Variants in STARD13 observed in about 807,000 individuals in gnomAD.
STARD13 encodes StAR related lipid transfer domain containing 13.
STARD13 carries 62 observed loss-of-function variants against 106.4 expected under a neutral mutation model. The observed-to-expected ratio is 0.58, with a 90% CI of 0.48 to 0.72. The LOEUF (loss-of-function observed/expected upper bound fraction) is 0.72, where lower values mean the gene tolerates loss of function less well. Ranked by LOEUF, STARD13 falls within the 30% of genes least tolerant of loss-of-function variation. The pLI, the probability that STARD13 is intolerant of heterozygous loss-of-function variation, is 0.00. For synonymous variants in STARD13, 565 were observed against 553.0 expected (o/e 1.02, Z -0.31); for missense variants, 1,387 against 1,424.0 (o/e 0.97, Z 0.42).
At chr13:33,261,424 A>T (rs996877120) in intron 1 of STARD13, among the ~76,000 whole-genome samples, 7 of 152,240 alleles carry the variant, frequency 4.6e-5, no homozygotes, top group African/African-American at 1.7e-4. Flanking sequence ...TCTCAGAAAT[A>T]AGCCAGCGCT....
intron 1 of STARD13, among the ~76,000 whole-genome samples, chr13:33,217,341 A>G (rs950397293): frequency 1.3e-5 from 2 of 152,170 alleles, no homozygotes; most frequent in African/African-American, 4.8e-5. Context: ...TTGTGACTCC[A>G]TGGTGTGAGC....
chr13:33,676,690 G>A, the STARD13 span: 2 of 152,094 alleles, frequency 1.3e-5, no homozygotes, highest in Non-Finnish European at 2.9e-5. Context: ...TACAATTTCG[G>A]GTCCAAAGAG....
intron 1 of STARD13, among the ~76,000 whole-genome samples, chr13:33,200,251 G>A (rs1022214553): frequency 6.6e-6 from 1 of 152,172 alleles, no homozygotes; most frequent in Non-Finnish European, 1.5e-5. Context: ...TCTTCAGCTA[G>A]CCGCTTGCTC....
At chr13:33,109,479 TACAC>T (rs1014241115) in intron 12 of STARD13, among the ~76,000 whole-genome samples, 1 of 152,180 alleles carries the variant, frequency 6.6e-6, no homozygotes, top group African/African-American at 2.4e-5. Flanking sequence ...TCTTGAGAGT[TACAC>T]ACACTTTCCC....
chr13:33,363,288 G>A, the STARD13 span, among the ~76,000 whole-genome samples: 1 of 151,996 alleles, frequency 6.6e-6, no homozygotes, highest in Non-Finnish European at 1.5e-5. Context: ...ACACACACAT[G>A]TACACACAGA....
the STARD13 span, among the ~76,000 whole-genome samples, chr13:33,429,238 G>A: frequency 6.6e-6 from 1 of 152,308 alleles, no homozygotes; most frequent in Admixed American, 6.5e-5. Flanking sequence ...GTTTGTTGCA[G>A]CAATGTTTAC....
At chr13:33,628,164 C>CAT in the STARD13 span, among the ~76,000 whole-genome samples, 1 of 150,664 alleles carries the variant, frequency 6.6e-6, no homozygotes, top group Non-Finnish European at 1.5e-5. Flanking sequence ...CACACACACA[C>CAT]ACACACACAC....
At chr13:33,524,261 T>G in the STARD13 span, 1 of 1,276,908 alleles carries the variant, frequency 7.8e-7, no homozygotes. Flanking sequence ...TGAGTTCCAG[T>G]TGACATTTGG....
the STARD13 span, among the ~76,000 whole-genome samples, chr13:33,367,449 A>G: frequency 6.6e-6 from 1 of 152,210 alleles, no homozygotes. Flanking sequence ...TAACTGCAGT[A>G]AGGAGAAAAA....
downstream of STARD13, among the ~76,000 whole-genome samples, chr13:33,346,852 T>C (rs1418455917): frequency 1.3e-5 from 2 of 151,922 alleles, no homozygotes; most frequent in East Asian, 3.9e-4. Flanking sequence ...TTGGCCAGGC[T>C]GTCTTGAACT....
chr13:33,457,771 C>T, the STARD13 span, among the ~76,000 whole-genome samples: 1 of 152,132 alleles, frequency 6.6e-6, no homozygotes, highest in East Asian at 1.9e-4. Context: ...GAGTATTGAT[C>T]CCATCATAAG....
chr13:33,446,127 A>C, the STARD13 span, among the ~76,000 whole-genome samples: 27 of 152,336 alleles, frequency 1.8e-4, no homozygotes, highest in Non-Finnish European at 3.7e-4. Flanking sequence ...AGGTTAACCA[A>C]ACTATCAGTT....
At chr13:33,221,419 G>A (rs924554947) in intron 1 of STARD13, among the ~76,000 whole-genome samples, 16 of 152,130 alleles carry the variant, frequency 1.1e-4, no homozygotes, top group Non-Finnish European at 2.2e-4. Flanking sequence ...GCTTTTTAAG[G>A]CAGACTAACA....
At chr13:33,167,700 C>G (rs935692292) in intron 1 of STARD13, 78 bp from the exon 2 acceptor site, 138 of 1,428,264 alleles carry the variant, frequency 9.7e-5, no homozygotes, top group Non-Finnish European at 1.3e-4. Flanking sequence ...CATGGAGACA[C>G]TGGTGAGCTT....
At chr13:33,463,187 TAGAC>T in the STARD13 span, among the ~76,000 whole-genome samples, 22 of 152,316 alleles carry the variant, frequency 1.4e-4, no homozygotes, top group East Asian at 2.9e-3. Flanking sequence ...CCTGTGGTGT[TAGAC>T]AGCAACTTTT....
Position 33,129,941 on chromosome 13 carries a change from G to T in STARD13, c.736C>A (p.Pro246Thr), listed in dbSNP as rs1423565588. 1 of 1,613,420 alleles carries T rather than the reference G, an allele frequency of 6.2e-7. No individual in the cohort carries two copies. Among genetic ancestry groups the T allele is most frequent in the Non-Finnish European group, 8.5e-7 (1 of 1,179,914 alleles). The change falls in exon 5 of 14, where the codon CCC becomes ACC. Residue 246 changes from proline to threonine, a missense_variant. Pro to Thr is a conservative substitution (Grantham distance 38, BLOSUM62 -1). Coordinates refer to ENST00000336934, the MANE Select transcript of STARD13 (RefSeq NM_178006.4). The part of the protein sequence containing the change: ...PRDVLNHPFH[P>T]KNEKPTRARA... ...GCCCTCGTGGGCTTCTCATTCTTGG[G>T]GTGGAAGGGGTGGTTGAGGACATCT...
the STARD13 span, among the ~76,000 whole-genome samples, chr13:33,495,051 C>A: frequency 5.4e-5 from 8 of 147,940 alleles, no homozygotes; most frequent in African/African-American, 1.7e-4. Flanking sequence ...CCTGCCTACA[C>A]TTCCGCTAGC....
At chr13:33,236,406 G>C (rs1889192421) in intron 1 of STARD13, among the ~76,000 whole-genome samples, 1 of 152,242 alleles carries the variant, frequency 6.6e-6, no homozygotes, top group South Asian at 2.1e-4. Flanking sequence ...GGAAACGCAT[G>C]GCTGCGTGAG....
the STARD13 span, among the ~76,000 whole-genome samples, chr13:33,559,960 C>CTA: frequency 1.3e-5 from 2 of 151,584 alleles, no homozygotes; most frequent in Admixed American, 1.3e-4. Flanking sequence ...ACTAAATGTG[C>CTA]TAGCACCTTG....
Sources: allele counts gnomAD v4.1 joint callset (sites outside exome capture counted in the v4.1 genomes callset), GRCh38; gene constraint gnomAD v4.1.1; transcripts MANE v1.5; gene names NCBI Gene and HGNC (gene_info 2026-07-23, HGNC 2026-07-21).